GPC2: variants seen among roughly 807,000 people sequenced by gnomAD.
GPC2 encodes the protein glypican 2, also known as glypican-2.
In GPC2, 42 loss-of-function variants were observed where a neutral mutation model predicts 57.3. The observed-to-expected ratio is 0.73, with a 90% CI of 0.57 to 0.95. The LOEUF is 0.95. Among genes scored for constraint, GPC2 ranks in the 40% least tolerant of loss-of-function variants. The probability of loss-of-function intolerance (pLI) is 0.00; values close to 1 mark genes in which losing one functional copy is unlikely to be tolerated. For missense variants in GPC2, 745 were observed against 793.6 expected, an observed-to-expected ratio of 0.94 and a Z score of 0.74; for synonymous variants, 364 against 343.4, an observed-to-expected ratio of 1.06 and a Z score of -0.66.
chr7:100,173,443 CTTT>C (rs56196002), intron 5 of GPC2: 5 of 141,862 alleles, frequency 3.5e-5, no homozygotes, highest in Non-Finnish European at 3.1e-5. Context: ...TAATTTCTTT[CTTT>C]TTTTTTTTTT....
rs1353799152 is a variant in GPC2 at position 100,172,124 on chromosome 7, A to T, written c.986T>A (p.Met329Lys). 9.9e-6 allele frequency: 16 copies of T among 1,612,218 alleles called. No individual in the cohort carries two copies. Among genetic ancestry groups the T allele is most frequent in the Non-Finnish European group, 1.4e-5 (16 of 1,179,348 alleles). Residue 329 changes from methionine to lysine, a missense_variant, in exon 6 of 10, where the codon ATG (methionine) becomes AAG (lysine). Coordinates refer to ENST00000292377, the MANE Select transcript of GPC2 (RefSeq NM_152742.3). ...SIGVKISEGL[M>K]YLQENSAKVS... is the part of the protein sequence containing the mutation. ...CTTCGCACTGTTTTCCTGCAGGTACATCAAACCCTCCGAGATCTTCACCCC... is the reference window on the plus strand; with the variant it reads ...CTTCGCACTGTTTTCCTGCAGGTACTTCAAACCCTCCGAGATCTTCACCCC...
chr7:100,177,312 C>T lies in GPC2; in HGVS notation c.-113G>A. 2 of 913,526 alleles carry T rather than the reference C, an allele frequency of 2.2e-6. No homozygotes were observed. The highest frequency in any genetic ancestry group is 3.9e-5 in the South Asian group (2 of 51,538). The allele number at this position is 913,526 out of a possible 1,614,324, so 56.6% of individuals were successfully genotyped here. A position where few individuals can be genotyped will look rare whatever the true frequency, so the allele number is the denominator to read the frequency against. ...ACCGCTCCGCGGGCCAGAGAAAGAG[C>T]GCTGCTCCGGAAAACTGAATACCGA... On this transcript the variant is annotated 5_prime_UTR_variant, in exon 1 of 10. Coordinates refer to ENST00000292377, the MANE Select transcript of GPC2 (RefSeq NM_152742.3).
chr7:100,177,332 T>C lies in GPC2; in HGVS notation c.-133A>G. The C allele has an allele frequency of 1.4e-6, 1 of 702,434 alleles. No individual in the cohort carries two copies. Among genetic ancestry groups the C allele is most frequent in the South Asian group, 2.3e-5 (1 of 44,428 alleles). The allele number at this position is 702,434 out of a possible 1,614,324, so 43.5% of individuals were successfully genotyped here. On this transcript the variant is annotated 5_prime_UTR_variant, in exon 1 of 10. Transcript: ENST00000292377. ...AAGAGCGCTGCTCCGGAAAACTGAATACCGAGCACGATAGCTGGACCAGGC... is the reference window on the plus strand; with the variant it reads ...AAGAGCGCTGCTCCGGAAAACTGAACACCGAGCACGATAGCTGGACCAGGC...
chr7:100,172,677 G>GCGTGTGTGTATATATATATA (rs1799199984), intron 5 of GPC2, among the ~76,000 whole-genome samples: 5 of 138,832 alleles, frequency 3.6e-5, no homozygotes, highest in African/African-American at 1.3e-4. Flanking sequence ...ATATATGTGT[G>GCGTGTGTGTATATATATATA]TGTGTGTGTA....
At position 100,175,929 on chromosome 7, in the gene GPC2, T is replaced by A. The variant is rs866507367; in HGVS notation, c.326-35A>T. ...ATGCAGGGAACAGGTGGAAGGCAGGTCAGGCCAAAGAATGGGGAGAAAAGT... is the reference window on the plus strand; with the variant it reads ...ATGCAGGGAACAGGTGGAAGGCAGGACAGGCCAAAGAATGGGGAGAAAAGT... On this transcript the variant is annotated intron_variant, in intron 2 of 9. Coordinates refer to ENST00000292377, the MANE Select transcript of GPC2 (RefSeq NM_152742.3). 8 of 1,580,596 alleles carry A rather than the reference T, an allele frequency of 5.1e-6. No individual in the cohort carries two copies. In the Middle Eastern group the frequency reaches 1.2e-3, roughly 231 times the overall value.
At chr7:100,170,955 C>A (rs1347170720) in intron 9 of GPC2, 1 of 366,262 alleles carries the variant, frequency 2.7e-6, no homozygotes, top group Non-Finnish European at 4.9e-6. Flanking sequence ...ACCACCCTGG[C>A]TTCCCAGCCT....
Position 100,171,474 on chromosome 7 carries a change from C to A in GPC2, c.1311-38G>T. 7.4e-7 allele frequency: 1 copy of A among 1,352,334 alleles called. No individual in the cohort carries two copies. Among genetic ancestry groups the A allele is most frequent in the Non-Finnish European group, 9.5e-7 (1 of 1,057,674 alleles). 83.8% of individuals were successfully genotyped at this position (1,352,334 alleles called of 1,614,324 possible). The stretch of plus-strand genomic sequence containing the variant: ...CAGCCCCGAAGCGCCAGCTAGCGCG[C>A]GCGGCCCCGCCCCTCCCGGCCGCGG... On this transcript the variant is annotated intron_variant, in intron 8 of 9. Coordinates refer to ENST00000292377, the MANE Select transcript of GPC2 (RefSeq NM_152742.3). This position sits in a 1 kb window ranked among gnomAD's most constrained non-coding sequence, Gnocchi z 4.8.
At position 100,174,015 on chromosome 7, in the gene GPC2, G is replaced by A; in HGVS notation, c.730-18C>T. 5 of 1,535,582 alleles carry A rather than the reference G, an allele frequency of 3.3e-6. No individual in the cohort carries two copies. The highest frequency in any genetic ancestry group is 4.4e-6 in the Non-Finnish European group (5 of 1,141,566). Reference sequence around the variant, plus strand: ...ACCGGCACCTGGGGGCAGAGAGTGGGGCTGTGTCCTCCACAAACGCTGTGG... The same window carrying A: ...ACCGGCACCTGGGGGCAGAGAGTGGAGCTGTGTCCTCCACAAACGCTGTGG... On this transcript the variant is annotated intron_variant, in intron 4 of 9. Coordinates refer to ENST00000292377, the MANE Select transcript of GPC2 (RefSeq NM_152742.3).
intron 3 of GPC2, among the ~76,000 whole-genome samples, chr7:100,175,213 T>C (rs989322284): frequency 6.6e-5 from 10 of 152,218 alleles, no homozygotes; most frequent in African/African-American, 2.4e-4. Context: ...CTTTTGCGTA[T>C]TGAATGCACA....
chr7:100,170,490 GGAA>G lies in GPC2; in HGVS notation c.1487-10_1487-8del, dbSNP rs1243203200. Reference sequence around the variant, plus strand: ...GAGCCGCTGGCATCCTCATCTGCAAGGAAGAAGAGGGACAGAGCAGGATGGGAG... The same window carrying G: ...GAGCCGCTGGCATCCTCATCTGCAAGGAAGAGGGACAGAGCAGGATGGGAG... On this transcript the variant is annotated splice_polypyrimidine_tract_variant and splice_region_variant and intron_variant, in intron 9 of 9. Coordinates refer to ENST00000292377, the MANE Select transcript of GPC2 (RefSeq NM_152742.3). The G allele has an allele frequency of 6.6e-7, 1 of 1,510,344 alleles. No individual in the cohort carries two copies. The highest frequency in any genetic ancestry group is 2.4e-5 in the East Asian group (1 of 41,980). The allele number at this position is 1,510,344 out of a possible 1,614,324, so 93.6% of individuals were successfully genotyped here.
In GPC2 at chr7:100,171,691, G is replaced by C. The variant is rs777650623; in HGVS notation, c.1171-13C>G. 9 of 1,482,932 alleles carry C rather than the reference G, an allele frequency of 6.1e-6. No individual in the cohort carries two copies. Among genetic ancestry groups the C allele is most frequent in the Middle Eastern group, 2.4e-4 (1 of 4,184 alleles). 91.9% of individuals were successfully genotyped at this position (1,482,932 alleles called of 1,614,324 possible). On this transcript the variant is annotated splice_polypyrimidine_tract_variant and intron_variant, in intron 7 of 9. Transcript: ENST00000292377. This position sits in a 1 kb window ranked among gnomAD's most constrained non-coding sequence, Gnocchi z 4.8. ...GGAGCTCCCACACCTGGGCGGGCGA[G>C]AGGGGGCGGGGCGAGCTGGAGCGCG...
rs1584631802 is a variant in GPC2, at chr7:100,174,386, G to A, written c.729+299C>T. The A allele has an allele frequency of 1.1e-5, 6 of 540,240 alleles. No individual in the cohort carries two copies. The East Asian group carries it at 2.0e-4, about 18-fold the overall frequency. The allele number at this position is 540,240 out of a possible 1,614,324, so 33.5% of individuals were successfully genotyped here. ...GAAGTGGAGTCATTGAGGGATCCTG[G>A]GGGGTTGGGCGGGGGCAGTATCCAA... On this transcript the variant is annotated intron_variant, in intron 4 of 9. Transcript: ENST00000292377.
At position 100,171,320 on chromosome 7, in the gene GPC2, GC is replaced by G; in HGVS notation, c.1426del (p.Ala476ArgfsTer6). 1 of 1,543,320 alleles carries G rather than the reference GC, an allele frequency of 6.5e-7. No homozygotes were observed. Among genetic ancestry groups the G allele is most frequent in the Non-Finnish European group, 8.7e-7 (1 of 1,143,880 alleles). On this transcript the variant is annotated frameshift_variant, in exon 9 of 10. Coordinates refer to ENST00000292377, the MANE Select transcript of GPC2 (RefSeq NM_152742.3). LOFTEE classifies it high-confidence loss of function. The surrounding 1 kb of genome is among the most constrained non-coding windows in gnomAD (Gnocchi z 4.8). The part of the protein sequence containing the change: ...PTRRRRLQLR[A>X]ATARMKTAAL... ...GGCCGTTTTCATTCTGGCCGTGGCC[GC>G]CCGGAGCTGTAGCCGACGCCGCCGT...
rs1386705035 is a variant in GPC2, at chr7:100,171,187, C to T, written c.1486+74G>A. Reference sequence around the variant, plus strand: ...TGAACGCTAAGAGCAGAGGCACGGGCGGGAACTACCAGGAGAGGGGAGAGG... The same window carrying T: ...TGAACGCTAAGAGCAGAGGCACGGGTGGGAACTACCAGGAGAGGGGAGAGG... On this transcript the variant is annotated intron_variant, in intron 9 of 9. Transcript: ENST00000292377. This position sits in a 1 kb window ranked among gnomAD's most constrained non-coding sequence, Gnocchi z 4.8. 4.6e-6 allele frequency: 6 copies of T among 1,291,938 alleles called. No individual in the cohort carries two copies. The highest frequency in any genetic ancestry group is 4.2e-6 in the Non-Finnish European group (4 of 963,138). The allele number at this position is 1,291,938 out of a possible 1,614,324, so 80.0% of individuals were successfully genotyped here. A position where few individuals can be genotyped will look rare whatever the true frequency, so the allele number is the denominator to read the frequency against.
chr7:100,170,268 G>C lies in GPC2; in HGVS notation c.1702C>G (p.Leu568Val). ...AGCAGGGCCAGGGCTGAGAGGGAGA[G>C]AATGAGGATGGTTTGGGTGTGAAAA... is the stretch of plus-strand genomic sequence containing the variant. ...IGFHTQTILI[L>V]SLSALALLGP... The change falls in exon 10 of 10, where the codon CTC becomes GTC. Residue 568 changes from leucine (L) to valine (V), a missense_variant. Leu to Val is a conservative substitution (Grantham distance 32). Around this residue, in one of 2 missense-constraint regions of GPC2, gnomAD observed 607 missense variants for 603.9 expected, o/e 1.01. Transcript: ENST00000292377. The C allele has an allele frequency of 6.3e-7, 1 of 1,580,994 alleles. No homozygotes were observed. Among genetic ancestry groups the C allele is most frequent in the Non-Finnish European group, 8.6e-7 (1 of 1,162,704 alleles).
chr7:100,170,538 G>A (rs2116980584), intron 9 of GPC2, 55 bp from the exon 10 acceptor site: 2 of 1,384,980 alleles, frequency 1.4e-6, no homozygotes, highest in Middle Eastern at 1.9e-4. Flanking sequence ...GAGGGAGACA[G>A]AGGGAGGAAA....
chr7:100,171,395 A>G lies in GPC2; in HGVS notation c.1352T>C (p.Val451Ala). Residue 451 changes from valine (V) to alanine (A), a missense_variant, in exon 9 of 10, where the codon GTC becomes GCC. Coordinates refer to ENST00000292377, the MANE Select transcript of GPC2 (RefSeq NM_152742.3). The surrounding 1 kb of genome is among the most constrained non-coding windows in gnomAD (Gnocchi z 4.8). ...GTCCACCTTGAGCTCGGGGTTGTTG[A>G]CCTGCTCGGCCGGGGAGCCCCCGAC... ...PVVGGSPAEQ[V>A]NNPELKVDAS... 6.6e-7 allele frequency: 1 copy of G among 1,510,884 alleles called. No homozygotes were observed. Among genetic ancestry groups the G allele is most frequent in the Non-Finnish European group, 8.8e-7 (1 of 1,130,412 alleles). The allele number at this position is 1,510,884 out of a possible 1,614,324, so 93.6% of individuals were successfully genotyped here.
Position 100,170,432 on chromosome 7 carries a change from A to G in GPC2, c.1538T>C (p.Met513Thr). The G allele has an allele frequency of 6.2e-7, 1 of 1,606,648 alleles. No homozygotes were observed. Among genetic ancestry groups the G allele is most frequent in the South Asian group, 1.1e-5 (1 of 89,846 alleles). ...GGCTGGGGGAGCCACAGCCCCAGCC[A>G]TCCAGTCATCTGCATACTGCTGTCC... The part of the protein sequence containing the change: ...GGGQQYADDW[M>T]AGAVAPPARP... The change falls in exon 10 of 10, where the codon ATG (methionine) becomes ACG (threonine). Residue 513 changes from methionine to threonine, a missense_variant. By Grantham distance (81) the Met-to-Thr change is moderately conservative. Coordinates refer to ENST00000292377, the MANE Select transcript of GPC2 (RefSeq NM_152742.3).
intron 2 of GPC2, 39 bp from the exon 3 acceptor site, chr7:100,175,933 G>T (rs1387369216): frequency 6.4e-7 from 1 of 1,553,866 alleles, no homozygotes; most frequent in East Asian, 2.2e-5. Flanking sequence ...GGCAGGTCAG[G>T]CCAAAGAATG....
Sources: allele counts gnomAD v4.1 joint callset (sites outside exome capture counted in the v4.1 genomes callset), GRCh38; gene constraint gnomAD v4.1.1; regional missense constraint gnomAD v4.1.1; non-coding constraint Gnocchi (gnomAD v3.1); transcripts MANE v1.5; gene names NCBI Gene and HGNC (gene_info 2026-07-23, HGNC 2026-07-21).